The following PARD6G variants were observed in gnomAD, a reference collection of about 807,000 sequenced individuals.
PARD6G encodes par-6 family cell polarity regulator gamma, also known as partitioning defective 6 homolog gamma.
PARD6G carries 7 observed loss-of-function variants against 10.7 expected under a neutral mutation model. That is an observed-to-expected ratio of 0.66 (90% CI 0.37 to 1.23). The LOEUF is 1.23. Ranked by LOEUF, PARD6G falls within the 50% of genes most tolerant of loss-of-function variation. The probability of loss-of-function intolerance (pLI) is 0.02; values close to 1 mark genes in which losing one functional copy is unlikely to be tolerated. For synonymous variants in PARD6G, 287 were observed against 269.4 expected (o/e 1.07, Z -0.64); for missense variants, 548 against 571.8 (o/e 0.96, Z 0.42).
intron 2 of PARD6G, chr18:80,169,785 T>C (rs1312044823): frequency 6.6e-6 from 1 of 152,230 alleles, no homozygotes; most frequent in Non-Finnish European, 1.5e-5. Context: ...TTTCAGGAGA[T>C]GAGTGGCTGC....
Position 80,188,357 on chromosome 18 carries a change from C to A in PARD6G, c.295+14353G>T, listed in dbSNP as rs182812104. ...GTCTTGGGGAACAGAGACTTGGATT[C>A]CAGTGCTGGTGTCTCTTCCAACAAG... On this transcript the variant is annotated intron_variant, in intron 2 of 2. Coordinates refer to ENST00000353265, the MANE Select transcript of PARD6G (RefSeq NM_032510.4). The surrounding 1 kb of genome is among the most constrained non-coding windows in gnomAD (Gnocchi z 5.4). 4.5e-4 allele frequency among the ~76,000 whole-genome samples: 68 copies of A among 152,256 alleles called. No individual in the cohort carries two copies. The highest frequency in any genetic ancestry group is 1.6e-3 in the African/African-American group (66 of 41,556).
In PARD6G at chr18:80,157,322, T is replaced by G. The variant is rs1489720987; in HGVS notation, c.*2449A>C. Reference sequence around the variant, plus strand: ...ACATAATATGCATAGTTTTGTTTTTTTAAAAGGAGAAAGTGGCAGAAGTAC... The same window carrying G: ...ACATAATATGCATAGTTTTGTTTTTGTAAAAGGAGAAAGTGGCAGAAGTAC... On this transcript the variant is annotated 3_prime_UTR_variant, in exon 3 of 3. Transcript: ENST00000353265. 1 of 152,188 alleles carries G rather than the reference T, an allele frequency of 6.6e-6. No homozygotes were observed. The allele number at this position is 152,188 out of a possible 1,614,324, so 9.4% of individuals were successfully genotyped here.
At chr18:80,221,442 G>A (rs1326508583) in intron 1 of PARD6G, among the ~76,000 whole-genome samples, 2 of 152,016 alleles carry the variant, frequency 1.3e-5, no homozygotes, top group African/African-American at 4.8e-5. Context: ...CAATATTAAA[G>A]GGACAAAAGC....
chr18:80,213,946 CA>C (rs36051371), intron 1 of PARD6G, among the ~76,000 whole-genome samples: 24 of 115,818 alleles, frequency 2.1e-4, no homozygotes, highest in East Asian at 5.2e-4. Context: ...GACTCCATCT[CA>C]AAAAAAAAAA....
At chr18:80,215,341 T>C (rs1026228296) in intron 1 of PARD6G, among the ~76,000 whole-genome samples, 3 of 152,144 alleles carry the variant, frequency 2.0e-5, no homozygotes, top group Non-Finnish European at 4.4e-5. Flanking sequence ...AGTAACTACA[T>C]AGGTATATAA....
chr18:80,196,364 C>A (rs553223774), intron 2 of PARD6G, among the ~76,000 whole-genome samples: 1 of 152,240 alleles, frequency 6.6e-6, no homozygotes, highest in African/African-American at 2.4e-5. Flanking sequence ...CCATGTCATC[C>A]AAATCTTGTT....
At chr18:80,174,014 A>G (rs369708669) in intron 2 of PARD6G, among the ~76,000 whole-genome samples, 1 of 152,156 alleles carries the variant, frequency 6.6e-6, no homozygotes, top group African/African-American at 2.4e-5. Context: ...GCTTTGCCCT[A>G]TCCCAGAGCC....
chr18:80,199,391 GAC>G (rs1830940370), intron 2 of PARD6G, among the ~76,000 whole-genome samples: 1 of 152,204 alleles, frequency 6.6e-6, no homozygotes, highest in African/African-American at 2.4e-5. Flanking sequence ...TGCATGACTA[GAC>G]ACACACGCAC....
chr18:80,217,043 G>GAA (rs1356190086), intron 1 of PARD6G, among the ~76,000 whole-genome samples: 1 of 152,140 alleles, frequency 6.6e-6, no homozygotes, highest in Non-Finnish European at 1.5e-5. Context: ...GCTGGTACAG[G>GAA]AAATATACAT....
intron 2 of PARD6G, among the ~76,000 whole-genome samples, chr18:80,177,434 C>G (rs1201618567): frequency 6.6e-6 from 1 of 151,016 alleles, no homozygotes; most frequent in East Asian, 2.0e-4. Context: ...AACACGCACA[C>G]ACAGGATAAA....
At chr18:80,237,846 A>G (rs1171411940) in intron 1 of PARD6G, among the ~76,000 whole-genome samples, 1 of 152,168 alleles carries the variant, frequency 6.6e-6, no homozygotes, top group African/African-American at 2.4e-5. Flanking sequence ...GTCAGGAAAC[A>G]ACAGGTGCTG....
intron 2 of PARD6G, among the ~76,000 whole-genome samples, chr18:80,186,557 T>C (rs2052880602): frequency 6.6e-6 from 1 of 151,212 alleles, no homozygotes; most frequent in African/African-American, 2.4e-5. Context: ...CTCACACACA[T>C]GCACACACAG....
intron 1 of PARD6G, among the ~76,000 whole-genome samples, chr18:80,223,841 C>T (rs902754492): frequency 1.3e-5 from 2 of 152,190 alleles, no homozygotes; most frequent in African/African-American, 4.8e-5. Context: ...AAGCACACAA[C>T]CCATTTAGAA....
intron 2 of PARD6G, among the ~76,000 whole-genome samples, chr18:80,194,834 AGGT>A (rs1966936080): frequency 6.6e-6 from 1 of 152,068 alleles, no homozygotes; most frequent in Non-Finnish European, 1.5e-5. Context: ...CCTGCGTGTG[AGGT>A]GTCAGCATGA....
chr18:80,174,165 G>A (rs2052794331), intron 2 of PARD6G, among the ~76,000 whole-genome samples: 1 of 152,192 alleles, frequency 6.6e-6, no homozygotes, highest in East Asian at 1.9e-4. Flanking sequence ...CAAGTTCACA[G>A]CCAAGCCTGT....
chr18:80,229,797 G>A (rs1051212965), intron 1 of PARD6G, among the ~76,000 whole-genome samples: 6 of 152,198 alleles, frequency 3.9e-5, no homozygotes, highest in South Asian at 2.1e-4. Context: ...TGGGTGAAGC[G>A]TGAGGACAGA....
At chr18:80,196,672 C>CTGCTCACA (rs919901169) in intron 2 of PARD6G, among the ~76,000 whole-genome samples, 1 of 152,158 alleles carries the variant, frequency 6.6e-6, no homozygotes, top group Non-Finnish European at 1.5e-5. Context: ...AGCAGGGCGG[C>CTGCTCACA]TGCTCACAGC....
intron 1 of PARD6G, among the ~76,000 whole-genome samples, chr18:80,242,093 C>T (rs887527565): frequency 2.0e-5 from 3 of 152,134 alleles, no homozygotes; most frequent in African/African-American, 7.2e-5. Flanking sequence ...TCAGAGTCTC[C>T]CAGGCCACAG....
At chr18:80,163,040 C>T (rs116459479) in intron 2 of PARD6G, among the ~76,000 whole-genome samples, 2,237 of 152,246 alleles carry the variant, frequency 0.015, 50 homozygotes, top group African/African-American at 0.048. Context: ...TGGCAGTGTC[C>T]GAGGCACAGT....
Sources: allele counts gnomAD v4.1 joint callset (sites outside exome capture counted in the v4.1 genomes callset), GRCh38; gene constraint gnomAD v4.1.1; non-coding constraint Gnocchi (gnomAD v3.1); transcripts MANE v1.5; gene names NCBI Gene and HGNC (gene_info 2026-07-23, HGNC 2026-07-21).